The following PTER variants were observed in gnomAD, a reference collection of about 807,000 sequenced individuals.
PTER encodes the protein N-acetyltaurine hydrolase.
PTER carries 38 observed loss-of-function variants against 29.6 expected under a neutral mutation model. The observed-to-expected ratio is 1.28, with a 90% confidence interval of 0.99 to 1.68. The LOEUF is 1.68. Among genes scored for constraint, PTER ranks in the 40% most tolerant of loss-of-function variants. The pLI, the probability that PTER is intolerant of heterozygous loss-of-function variation, is 0.00. For synonymous variants in PTER, 172 were observed against 154.5 expected (o/e 1.11, Z -0.84); for missense variants, 482 against 427.8 (o/e 1.13, Z -1.12).
In PTER at chr10:16,455,583, C is replaced by T. The variant is rs565594572; in HGVS notation, c.-49+18536C>T. On this transcript the variant is annotated intron_variant, in intron 1 of 4. Transcript: ENST00000535784. Reference sequence around the variant, plus strand: ...GCATATTTCTGTGGTCCCAGCTACTCAGGAGGCTGAGCGAGGTGGATCACT... The same window carrying T: ...GCATATTTCTGTGGTCCCAGCTACTTAGGAGGCTGAGCGAGGTGGATCACT... Among the ~76,000 whole-genome samples, 4 of 152,122 alleles carry T rather than the reference C, an allele frequency of 2.6e-5. No individual in the cohort carries two copies. The South Asian group carries it at 8.3e-4, about 32-fold the overall frequency.
rs1270873711 is a variant in PTER, at chr10:16,476,653, C to A, written c.-48-7684C>A. Among the ~76,000 whole-genome samples, 3 of 149,996 alleles carry A rather than the reference C, an allele frequency of 2.0e-5. No homozygotes were observed. In the East Asian group the frequency reaches 6.0e-4, roughly 30 times the overall value. On this transcript the variant is annotated intron_variant, in intron 1 of 4. Coordinates refer to ENST00000535784, the MANE Select transcript of PTER (RefSeq NM_001261836.2). Reference sequence around the variant, plus strand: ...TGATCAAGGCTCACTGCAGCCTCAGCCTCAACCTCGCAGGTTCAAGTGATC... The same window carrying A: ...TGATCAAGGCTCACTGCAGCCTCAGACTCAACCTCGCAGGTTCAAGTGATC...
chr10:16,494,372 C>G (rs921368946), intron 3 of PTER, among the ~76,000 whole-genome samples: 9 of 152,120 alleles, frequency 5.9e-5, no homozygotes, highest in Admixed American at 3.9e-4. Context: ...TGACGTCACT[C>G]CTTCCTTATG....
intron 3 of PTER, among the ~76,000 whole-genome samples, chr10:16,490,739 G>A (rs1030492960): frequency 4.7e-5 from 7 of 150,288 alleles, no homozygotes; most frequent in Non-Finnish European, 7.4e-5. Context: ...AAGATGATTC[G>A]TAAAGAAGAA....
chr10:16,450,192 G>A (rs1195378685), intron 1 of PTER, among the ~76,000 whole-genome samples: 4 of 152,182 alleles, frequency 2.6e-5, no homozygotes, highest in Admixed American at 2.6e-4. Flanking sequence ...ATCTCTAGGG[G>A]CCTACTGGGA....
intron 3 of PTER, among the ~76,000 whole-genome samples, chr10:16,495,601 G>C (rs1836065740): frequency 6.6e-6 from 1 of 152,064 alleles, no homozygotes; most frequent in African/African-American, 2.4e-5. Context: ...AAACATACTT[G>C]ATCAAGTCTG....
intron 1 of PTER, among the ~76,000 whole-genome samples, chr10:16,466,129 A>C (rs1834808400): frequency 6.6e-6 from 1 of 152,128 alleles, no homozygotes. Flanking sequence ...AGTTATCAAA[A>C]CAAAATCTAG....
At chr10:16,449,692 C>T (rs1564385136) in intron 1 of PTER, among the ~76,000 whole-genome samples, 1 of 152,124 alleles carries the variant, frequency 6.6e-6, no homozygotes, top group African/African-American at 2.4e-5. Flanking sequence ...CAAAGAAGAG[C>T]AATCACAGAG....
chr10:16,459,692 C>T (rs1242996363), intron 1 of PTER, among the ~76,000 whole-genome samples: 1 of 152,024 alleles, frequency 6.6e-6, no homozygotes, highest in Non-Finnish European at 1.5e-5. Context: ...TAAGTATTTG[C>T]TTTGCACTTA....
intron 3 of PTER, among the ~76,000 whole-genome samples, chr10:16,489,992 C>T (rs930896648): frequency 6.6e-6 from 1 of 152,142 alleles, no homozygotes; most frequent in African/African-American, 2.4e-5. Flanking sequence ...CATACAGATA[C>T]CCCTTGACTT....
At chr10:16,497,522 A>G (rs1188137441) in intron 3 of PTER, among the ~76,000 whole-genome samples, 3 of 152,210 alleles carry the variant, frequency 2.0e-5, no homozygotes, top group Non-Finnish European at 4.4e-5. Context: ...AGCTGATAGT[A>G]GATGTTCACT....
chr10:16,454,257 A>G (rs973334891), intron 1 of PTER, among the ~76,000 whole-genome samples: 1 of 152,164 alleles, frequency 6.6e-6, no homozygotes, highest in Non-Finnish European at 1.5e-5. Flanking sequence ...AACATACTTT[A>G]TAACTACTAT....
intron 4 of PTER, among the ~76,000 whole-genome samples, chr10:16,508,258 C>T (rs547652285): frequency 6.9e-4 from 105 of 151,834 alleles, no homozygotes; most frequent in African/African-American, 2.4e-3. Context: ...TTAGTAGAGA[C>T]GGGGTTTCAC....
chr10:16,473,559 C>G (rs1318151577), intron 1 of PTER, among the ~76,000 whole-genome samples: 1 of 139,474 alleles, frequency 7.2e-6, no homozygotes, highest in Non-Finnish European at 1.5e-5. Context: ...AGTTAGTTCT[C>G]CTGTAAGCAT....
intron 1 of PTER, among the ~76,000 whole-genome samples, chr10:16,481,758 G>T (rs1835488424): frequency 6.6e-6 from 1 of 152,142 alleles, no homozygotes; most frequent in Non-Finnish European, 1.5e-5. Flanking sequence ...AGCAAAAGTG[G>T]TAGCATTTTA....
intron 4 of PTER, 119 bp from the exon 5 acceptor site, chr10:16,510,927 A>T: frequency 1.3e-6 from 1 of 787,900 alleles, no homozygotes; most frequent in Non-Finnish European, 2.1e-6. Flanking sequence ...TACACACGCC[A>T]CAGTAGAAGT....
chr10:16,454,051 G>C (rs75546415), intron 1 of PTER, among the ~76,000 whole-genome samples: 2 of 152,108 alleles, frequency 1.3e-5, no homozygotes, highest in African/African-American at 4.8e-5. Context: ...CTTCCTCTTG[G>C]GGAAATAGTG....
At chr10:16,506,286 AG>A (rs2133508279) in intron 4 of PTER, among the ~76,000 whole-genome samples, 1 of 152,216 alleles carries the variant, frequency 6.6e-6, no homozygotes, top group South Asian at 2.1e-4. Flanking sequence ...GTGGCAGTGG[AG>A]GGAAGCAAGG....
chr10:16,443,235 C>A (rs1833907227), intron 1 of PTER, among the ~76,000 whole-genome samples: 1 of 152,144 alleles, frequency 6.6e-6, no homozygotes, highest in Non-Finnish European at 1.5e-5. Context: ...TGGCCGTCTT[C>A]CCTTTTATGC....
intron 1 of PTER, among the ~76,000 whole-genome samples, chr10:16,443,610 T>C (rs1313402586): frequency 6.6e-6 from 1 of 152,222 alleles, no homozygotes; most frequent in African/African-American, 2.4e-5. Flanking sequence ...TTTAAACATT[T>C]ATGTAATTAG....
Sources: gnomAD v4.1 joint callset for allele counts (sites outside exome capture counted in the v4.1 genomes callset) on GRCh38, gnomAD v4.1.1 for gene constraint, MANE v1.5 for transcripts, NCBI Gene and HGNC (gene_info 2026-07-23, HGNC 2026-07-21) for gene names.